Variants in IL31 observed in about 807,000 individuals in gnomAD.
The protein encoded by IL31 is interleukin-31.
In IL31, 8 loss-of-function variants were observed where a neutral mutation model predicts 7.8. The observed-to-expected ratio is 1.02, with a 90% CI of 0.60 to 1.84. The LOEUF (loss-of-function observed/expected upper bound fraction) is 1.84, where lower values mean the gene tolerates loss of function less well. Among genes scored for constraint, IL31 ranks in the 40% most tolerant of loss-of-function variants. The pLI, the probability that IL31 is intolerant of heterozygous loss-of-function variation, is 0.00. For missense variants in IL31, 162 were observed against 205.6 expected, an observed-to-expected ratio of 0.79 and a Z score of 1.30; for synonymous variants, 87 against 86.5, an observed-to-expected ratio of 1.01 and a Z score of -0.03.
chr12:122,173,917 A>G lies in IL31; in HGVS notation c.92T>C (p.Leu31Ser). The G allele has an allele frequency of 6.2e-7, 1 of 1,614,204 alleles. No individual in the cohort carries two copies. Among genetic ancestry groups the G allele is most frequent in the African/African-American group, 1.3e-5 (1 of 75,058 alleles). Residue 31 changes from leucine (L) to serine (S), a missense_variant, in exon 2 of 3, where the codon TTA becomes TCA. Leu to Ser is a moderately radical substitution (Grantham distance 145). Transcript: ENST00000377035. ...WLASHTLPVR[L>S]LRPSDDVQKI... is the part of the protein sequence containing the mutation. ...CTGTACATCATCACTTGGTCGTAGTAAACGGACGGGCAACGTGTGGGAGGC... is the reference window on the plus strand; with the variant it reads ...CTGTACATCATCACTTGGTCGTAGTGAACGGACGGGCAACGTGTGGGAGGC...
rs372020143 is a variant in IL31, at chr12:122,174,011, C to T, written c.17-19G>A. ...GAGGGGCCTGGAGAGAGAACGATGC[C>T]GTGAGCGCATACATCACACACCCCT... On this transcript the variant is annotated intron_variant, in intron 1 of 2. Transcript: ENST00000377035. 23 of 1,613,554 alleles carry T rather than the reference C, an allele frequency of 1.4e-5. No individual in the cohort carries two copies. Among genetic ancestry groups the T allele is most frequent in the East Asian group, 4.5e-5 (2 of 44,876 alleles).
At chr12:122,173,284 C>G (rs1367870715) in intron 2 of IL31, among the ~76,000 whole-genome samples, 1 of 152,244 alleles carries the variant, frequency 6.6e-6, no homozygotes, top group Non-Finnish European at 1.5e-5. Context: ...GTAACAACCT[C>G]TGCCTTTTAT....
intron 2 of IL31, among the ~76,000 whole-genome samples, chr12:122,173,499 C>G (rs1018932708): frequency 6.6e-6 from 1 of 152,172 alleles, no homozygotes; most frequent in Non-Finnish European, 1.5e-5. Flanking sequence ...GCCTGGCCAA[C>G]GTGGAGAAAC....
intron 1 of IL31, 46 bp from the exon 2 acceptor site, chr12:122,174,038 C>G (rs1292078399): frequency 6.2e-7 from 1 of 1,613,208 alleles, no homozygotes; most frequent in Admixed American, 1.7e-5. Flanking sequence ...CACACCCCTG[C>G]CCACCCTGGC....
chr12:122,172,457 G>A lies in IL31; in HGVS notation c.450C>T (p.Leu150=), dbSNP rs759993080. The part of the protein sequence containing the change: ...ISQQFSECMD[L]ALKSLTSGAQ... Reference sequence around the variant, plus strand: ...CTCCAGAGGTCAATGATTTTAGTGCGAGGTCCATGCACTCTGAAAACTGTT... The same window carrying A: ...CTCCAGAGGTCAATGATTTTAGTGCAAGGTCCATGCACTCTGAAAACTGTT... Residue 150 remains leucine (L), a synonymous_variant, in exon 3 of 3, where the codon CTC becomes CTT. Transcript: ENST00000377035. 1.1e-5 allele frequency: 18 copies of A among 1,613,972 alleles called. No homozygotes were observed. The highest frequency in any genetic ancestry group is 3.3e-5 in the South Asian group (3 of 91,048).
intron 2 of IL31, among the ~76,000 whole-genome samples, chr12:122,173,176 G>T (rs145936284): frequency 6.6e-6 from 1 of 151,966 alleles, no homozygotes; most frequent in Non-Finnish European, 1.5e-5. Context: ...AAGGAGTCCG[G>T]ACCACTCCCT....
chr12:122,172,663 T>C lies in IL31; in HGVS notation c.244A>G (p.Asn82Asp), dbSNP rs1953496831. 6.2e-7 allele frequency: 1 copy of C among 1,613,994 alleles called. No individual in the cohort carries two copies. Among genetic ancestry groups the C allele is most frequent in the Non-Finnish European group, 8.5e-7 (1 of 1,180,042 alleles). ...GCCCGGATGGCTGGGCTGTGGATGT[T>C]GTTTGGCGGCTGGGCGTCAGGGCTG... is the stretch of plus-strand genomic sequence containing the variant. ...CLSPDAQPPN[N>D]IHSPAIRAYL... The change falls in exon 3 of 3, where the codon AAC becomes GAC. Residue 82 changes from asparagine (N) to aspartate (D), a missense_variant. By Grantham distance (23) the Asn-to-Asp change is conservative (BLOSUM62 1). Transcript: ENST00000377035.
chr12:122,173,720 T>TC, intron 2 of IL31, 124 bp downstream of exon 2: 2 of 810,540 alleles, frequency 2.5e-6, no homozygotes, highest in African/African-American at 1.7e-5. Flanking sequence ...CTGTCTAGTT[T>TC]CCCCCATCCC....
rs1566002882 is a variant in IL31 at position 122,172,745 on chromosome 12, T to G, written c.166-4A>C. ...GCACGCCCTTCTCTTCCTCCACCTGTGGAATGAGGAGAAATGGTCAGTGTT... is the reference window on the plus strand; with the variant it reads ...GCACGCCCTTCTCTTCCTCCACCTGGGGAATGAGGAGAAATGGTCAGTGTT... On this transcript the variant is annotated splice_polypyrimidine_tract_variant and splice_region_variant and intron_variant, in intron 2 of 2. Coordinates refer to ENST00000377035, the MANE Select transcript of IL31 (RefSeq NM_001014336.2). 5.6e-6 allele frequency: 9 copies of G among 1,598,934 alleles called. No individual in the cohort carries two copies. The highest frequency in any genetic ancestry group is 7.7e-6 in the Non-Finnish European group (9 of 1,171,614).
At chr12:122,173,683 C>T (rs907553468) in intron 2 of IL31, among the ~76,000 whole-genome samples, 161 bp downstream of exon 2, 1 of 98,514 alleles carries the variant, frequency 1.0e-5, no homozygotes, top group Non-Finnish European at 2.1e-5. Context: ...GACTCTGTCT[C>T]AAAAAAAAAA....
chr12:122,172,699 G>T lies in IL31; in HGVS notation c.208C>A (p.Leu70Met). Residue 70 changes from leucine (L) to methionine (M), a missense_variant, in exon 3 of 3, where the codon CTG (leucine) becomes ATG (methionine). Leu to Met is a conservative substitution (Grantham distance 15). Coordinates refer to ENST00000377035, the MANE Select transcript of IL31 (RefSeq NM_001014336.2). ...KGVLVSQNYT[L>M]PCLSPDAQPP... ...TGGGCGTCAGGGCTGAGACACGGCA[G>T]CGTGTAATTCTGGGACACGAGCACG... The T allele has an allele frequency of 6.2e-7, 1 of 1,614,028 alleles. No individual in the cohort carries two copies. Among genetic ancestry groups the T allele is most frequent in the Middle Eastern group, 1.7e-4 (1 of 6,020 alleles).
At position 122,172,638 on chromosome 12, in the gene IL31, G is replaced by A; in HGVS notation, c.269C>T (p.Ala90Val). Residue 90 changes from alanine to valine, a missense_variant, in exon 3 of 3, where the codon GCA becomes GTA. Coordinates refer to ENST00000377035, the MANE Select transcript of IL31 (RefSeq NM_001014336.2). ...TAGCTGTCTGATTGTCTTGAGATAT[G>A]CCCGGATGGCTGGGCTGTGGATGTT... is the stretch of plus-strand genomic sequence containing the variant. ...PNNIHSPAIR[A>V]YLKTIRQLDN... 6.2e-7 allele frequency: 1 copy of A among 1,614,142 alleles called. No homozygotes were observed. The highest frequency in any genetic ancestry group is 8.5e-7 in the Non-Finnish European group (1 of 1,180,024).
chr12:122,172,394 C>T lies in IL31; in HGVS notation c.*18G>A, dbSNP rs367875779. 2.4e-5 allele frequency: 38 copies of T among 1,580,828 alleles called. No individual in the cohort carries two copies. Among genetic ancestry groups the T allele is most frequent in the Non-Finnish European group, 3.1e-5 (36 of 1,156,664 alleles). ...AAGGCTCCTTAAGTTCCTGCCAATC[C>T]GAAAGGAAGAGATGGCCTTAAGTGG... On this transcript the variant is annotated 3_prime_UTR_variant, in exon 3 of 3. Coordinates refer to ENST00000377035, the MANE Select transcript of IL31 (RefSeq NM_001014336.2).
Position 122,172,591 on chromosome 12 carries a change from CATCAATAACAGATTTGTT to C in IL31, c.298_315del (p.Asn100_Asp105del). The C allele has an allele frequency of 1.2e-6, 2 of 1,614,172 alleles. No homozygotes were observed. The highest frequency in any genetic ancestry group is 1.7e-6 in the Non-Finnish European group (2 of 1,180,040). ...AGTTTGTCGAGGTGCTCTATGATCT[CATCAATAACAGATTTGTT>C]GTCTAGCTGTCTGATTGTCTTGAGA... On this transcript the variant is annotated inframe_deletion, in exon 3 of 3. Coordinates refer to ENST00000377035, the MANE Select transcript of IL31 (RefSeq NM_001014336.2).
Position 122,172,268 on chromosome 12 carries a change from C to A in IL31, c.*144G>T. 2 of 626,898 alleles carry A rather than the reference C, an allele frequency of 3.2e-6. No individual in the cohort carries two copies. Among genetic ancestry groups the A allele is most frequent in the Non-Finnish European group, 5.6e-6 (2 of 356,576 alleles). 38.8% of individuals were successfully genotyped at this position (626,898 alleles called of 1,614,324 possible). A position where few individuals can be genotyped will look rare whatever the true frequency, so the allele number is the denominator to read the frequency against. On this transcript the variant is annotated 3_prime_UTR_variant, in exon 3 of 3. Coordinates refer to ENST00000377035, the MANE Select transcript of IL31 (RefSeq NM_001014336.2). ...TCACAAATTCACATCTCAGCCCTCCCGGGACTAGCCCATATGAGGGGTCCC... is the reference window on the plus strand; with the variant it reads ...TCACAAATTCACATCTCAGCCCTCCAGGGACTAGCCCATATGAGGGGTCCC...
chr12:122,172,088 T>C lies in IL31; in HGVS notation c.*324A>G, dbSNP rs374338117. On this transcript the variant is annotated 3_prime_UTR_variant, in exon 3 of 3. Coordinates refer to ENST00000377035, the MANE Select transcript of IL31 (RefSeq NM_001014336.2). Reference sequence around the variant, plus strand: ...ATTCCGAGGGCTCCCCCAGGGAGCATTGACAACTCTTAGTACAATAAATAT... The same window carrying C: ...ATTCCGAGGGCTCCCCCAGGGAGCACTGACAACTCTTAGTACAATAAATAT... 76 of 200,508 alleles carry C rather than the reference T, an allele frequency of 3.8e-4. No homozygotes were observed. Among genetic ancestry groups the C allele is most frequent in the African/African-American group, 1.5e-3 (66 of 42,602 alleles). 12.4% of individuals were successfully genotyped at this position (200,508 alleles called of 1,614,324 possible).
chr12:122,172,803 T>G (rs764014340), intron 2 of IL31, 62 bp from the exon 3 acceptor site: 443 of 1,308,210 alleles, frequency 3.4e-4, no homozygotes, highest in Non-Finnish European at 4.4e-4. Context: ...GTCTTAACAG[T>G]GAATGTTTGC....
In IL31 at chr12:122,172,515, T is replaced by C. The variant is rs945215844; in HGVS notation, c.392A>G (p.His131Arg). 2 of 1,613,914 alleles carry C rather than the reference T, an allele frequency of 1.2e-6. No homozygotes were observed. Among genetic ancestry groups the C allele is most frequent in the Non-Finnish European group, 1.7e-6 (2 of 1,179,886 alleles). ...ETNISVPTDT[H>R]ECKRFILTIS... is the part of the protein sequence containing the mutation. ...AGTCAGGATGAAGCGTTTACATTCA[T>C]GGGTGTCTGTTGGCACAGAAATGTT... Residue 131 changes from histidine to arginine, a missense_variant, in exon 3 of 3, where the codon CAT becomes CGT. By Grantham distance (29) the His-to-Arg change is conservative. Transcript: ENST00000377035.
At chr12:122,174,025 TCA>T in intron 1 of IL31, 33 bp from the exon 2 acceptor site, 1 of 1,613,410 alleles carries the variant, frequency 6.2e-7, no homozygotes, top group Non-Finnish European at 8.5e-7. Context: ...AGCGCATACA[TCA>T]CACACCCCTG....
Sources: gnomAD v4.1 joint callset for allele counts (sites outside exome capture counted in the v4.1 genomes callset) on GRCh38, gnomAD v4.1.1 for gene constraint, MANE v1.5 for transcripts, NCBI Gene and HGNC (gene_info 2026-07-23, HGNC 2026-07-21) for gene names.